Variants in SPATA6L observed in about 807,000 individuals in gnomAD.
SPATA6L encodes spermatogenesis associated 6-like protein.
In SPATA6L, 68 loss-of-function variants were observed where a neutral mutation model predicts 49.2. That is an observed-to-expected ratio of 1.38 (90% CI 1.14 to 1.69). SPATA6L has a LOEUF of 1.69. SPATA6L is among the 40% of genes most tolerant of loss of function. SPATA6L has a pLI of 0.00. For synonymous variants in SPATA6L, 198 were observed against 165.7 expected, an observed-to-expected ratio of 1.19 and a Z score of -1.50; for missense variants, 668 against 464.3, an observed-to-expected ratio of 1.44 and a Z score of -4.03.
At chr9:4,649,062 T>C (rs866959768) in intron 3 of SPATA6L, among the ~76,000 whole-genome samples, 4 of 150,048 alleles carry the variant, frequency 2.7e-5, no homozygotes, top group South Asian at 2.1e-4. Flanking sequence ...TATAGAAATA[T>C]ACACACACAC....
rs536528032 is a variant in SPATA6L at position 4,606,230 on chromosome 9, C to T, written c.996-790G>A. Among the ~76,000 whole-genome samples, 110 of 147,648 alleles carry T rather than the reference C, an allele frequency of 7.5e-4. 1 individual carries two copies. The highest frequency in any genetic ancestry group is 5.6e-3 in the South Asian group (26 of 4,642). ...GGCAGCGAGGCTGGGGGAGGGGCGC[C>T]CGCCATTGCCCAGGCTTGCTGAGGT... is the stretch of plus-strand genomic sequence containing the variant. On this transcript the variant is annotated intron_variant, in intron 9 of 11. Coordinates refer to ENST00000682582, the MANE Select transcript of SPATA6L (RefSeq NM_001353486.2).
chr9:4,637,518 C>T (rs1833046178), intron 3 of SPATA6L, among the ~76,000 whole-genome samples: 2 of 152,176 alleles, frequency 1.3e-5, no homozygotes, highest in African/African-American at 4.8e-5. Context: ...CTACTGCTGG[C>T]AGGGCTGTCC....
chr9:4,608,878 A>C (rs1462323502), intron 9 of SPATA6L, among the ~76,000 whole-genome samples: 1 of 152,198 alleles, frequency 6.6e-6, no homozygotes, highest in Non-Finnish European at 1.5e-5. Flanking sequence ...GAAAGGATCA[A>C]CAAAATAGAT....
chr9:4,653,245 C>G (rs954902278), intron 3 of SPATA6L, among the ~76,000 whole-genome samples: 2 of 152,284 alleles, frequency 1.3e-5, no homozygotes, highest in Admixed American at 1.3e-4. Flanking sequence ...GGTACCAAGA[C>G]AATTCAATGA....
intron 6 of SPATA6L, among the ~76,000 whole-genome samples, chr9:4,623,143 G>C (rs1224624981): frequency 1.3e-5 from 2 of 152,136 alleles, no homozygotes; most frequent in African/African-American, 4.8e-5. Flanking sequence ...AGCTGGGCTT[G>C]GTGGCGCATG....
At position 4,662,643 on chromosome 9, in the gene SPATA6L, G is replaced by A. The variant is rs1256592833; in HGVS notation, c.40-607C>T. On this transcript the variant is annotated intron_variant, in intron 1 of 11. Coordinates refer to ENST00000682582, the MANE Select transcript of SPATA6L (RefSeq NM_001353486.2). This position sits in a 1 kb window ranked among gnomAD's most constrained non-coding sequence, Gnocchi z 4.9. ...GCCCGCGCCTCCGCTGCCCGAGGAG[G>A]ACCGCATGGACTTGAACCCGTCCTT... 6.3e-7 allele frequency: 1 copy of A among 1,599,280 alleles called. No homozygotes were observed. The highest frequency in any genetic ancestry group is 2.2e-5 in the East Asian group (1 of 44,842).
chr9:4,625,195 A>C lies in SPATA6L; in HGVS notation c.669+132T>G, dbSNP rs1830105554. 1.1e-5 allele frequency: 16 copies of C among 1,414,682 alleles called. 1 individual carries two copies. Among genetic ancestry groups the C allele is most frequent in the Non-Finnish European group, 1.4e-5 (15 of 1,078,750 alleles). The allele number at this position is 1,414,682 out of a possible 1,614,324, so 87.6% of individuals were successfully genotyped here. A position where few individuals can be genotyped will look rare whatever the true frequency, so the allele number is the denominator to read the frequency against. ...AGGAAATGAACATAATTTAATCACAATTATTATTCAATTTGAAGTACCTTT... is the reference window on the plus strand; with the variant it reads ...AGGAAATGAACATAATTTAATCACACTTATTATTCAATTTGAAGTACCTTT... On this transcript the variant is annotated intron_variant, in intron 6 of 11. Transcript: ENST00000682582.
At chr9:4,654,872 G>A (rs1837756481) in intron 3 of SPATA6L, among the ~76,000 whole-genome samples, 1 of 152,148 alleles carries the variant, frequency 6.6e-6, no homozygotes, top group South Asian at 2.1e-4. Flanking sequence ...ATTTGGGCGG[G>A]AAAGCAGGAG....
intron 9 of SPATA6L, among the ~76,000 whole-genome samples, chr9:4,609,454 A>T (rs1826123778): frequency 6.6e-6 from 1 of 152,368 alleles, no homozygotes; most frequent in South Asian, 2.1e-4. Flanking sequence ...ACCATGATCA[A>T]GTGGGCTTCA....
intron 6 of SPATA6L, among the ~76,000 whole-genome samples, chr9:4,624,229 T>C (rs549314801): frequency 3.7e-4 from 56 of 152,344 alleles, no homozygotes; most frequent in African/African-American, 1.3e-3. Context: ...ATTTTTTTAA[T>C]GTAATGTTAA....
intron 4 of SPATA6L, 87 bp downstream of exon 4, chr9:4,635,188 T>C (rs1193579954): frequency 6.5e-6 from 9 of 1,390,810 alleles, no homozygotes; most frequent in Middle Eastern, 1.9e-4. Context: ...CTAACCAAGA[T>C]AAAGATCAAA....
chr9:4,615,396 C>G (rs998176734), intron 9 of SPATA6L, among the ~76,000 whole-genome samples: 1 of 152,324 alleles, frequency 6.6e-6, no homozygotes, highest in East Asian at 1.9e-4. Flanking sequence ...GTCTTAACCA[C>G]AGATTTAACG....
chr9:4,615,477 G>A (rs186233439), intron 9 of SPATA6L, among the ~76,000 whole-genome samples: 241 of 152,254 alleles, frequency 1.6e-3, no homozygotes, highest in African/African-American at 5.3e-3. Context: ...CAATTCTTCC[G>A]TTGGCCAGAG....
intron 4 of SPATA6L, among the ~76,000 whole-genome samples, chr9:4,630,444 C>A (rs1344549656): frequency 6.6e-6 from 1 of 152,184 alleles, no homozygotes. Context: ...CTGACCCCAT[C>A]GACTCACCAG....
intron 3 of SPATA6L, among the ~76,000 whole-genome samples, chr9:4,642,752 A>G (rs1373802402): frequency 2.0e-5 from 3 of 151,492 alleles, no homozygotes; most frequent in Non-Finnish European, 4.4e-5. Flanking sequence ...ACAACAAAAC[A>G]GGGAAAATAT....
chr9:4,613,654 G>A (rs912072558), intron 9 of SPATA6L, among the ~76,000 whole-genome samples: 4 of 151,736 alleles, frequency 2.6e-5, no homozygotes, highest in Non-Finnish European at 5.9e-5. Context: ...CGCTACCTCC[G>A]CTCACTGCAA....
rs557668202 is a variant in SPATA6L, at chr9:4,663,891, T to C, written c.40-1855A>G. 2.4e-5 allele frequency: 4 copies of C among 167,142 alleles called. No individual in the cohort carries two copies. The East Asian group carries it at 7.7e-4, about 32-fold the overall frequency. The allele number at this position is 167,142 out of a possible 1,614,324, so 10.4% of individuals were successfully genotyped here. A position where few individuals can be genotyped will look rare whatever the true frequency, so the allele number is the denominator to read the frequency against. On this transcript the variant is annotated intron_variant, in intron 1 of 11. Coordinates refer to ENST00000682582, the MANE Select transcript of SPATA6L (RefSeq NM_001353486.2). ...CTATCCATATTTGTGGATCGGGTAG[T>C]GGGAAAAGAGATTATAATACTTGTC...
Position 4,604,213 on chromosome 9 carries a change from C to G in SPATA6L, c.1146G>C (p.Lys382Asn), listed in dbSNP as rs1478268190. Residue 382 changes from lysine (K) to asparagine (N), a missense_variant, in exon 11 of 12, where the codon AAG (lysine) becomes AAC (asparagine). By Grantham distance (94) the Lys-to-Asn change is moderately conservative. Transcript: ENST00000682582. ...ATCTCTGTTCATGCAGTGAGTATTT[C>G]TTCAGAGGGTAGCTTGGTCTTTCAA... is the stretch of plus-strand genomic sequence containing the variant. ...YIIERPSYPL[K>N]KYSLHEQRYF 5 of 1,612,102 alleles carry G rather than the reference C, an allele frequency of 3.1e-6. No individual in the cohort carries two copies. In the Admixed American group the frequency reaches 6.7e-5, roughly 22 times the overall value.
intron 5 of SPATA6L, chr9:4,626,081 C>A: frequency 6.2e-6 from 1 of 162,168 alleles, no homozygotes. Flanking sequence ...GCTTTTCCAC[C>A]TGGTCTCTGT....
Sources: allele counts gnomAD v4.1 joint callset (sites outside exome capture counted in the v4.1 genomes callset), GRCh38; gene constraint gnomAD v4.1.1; non-coding constraint Gnocchi (gnomAD v3.1); transcripts MANE v1.5; gene names NCBI Gene and HGNC (gene_info 2026-07-23, HGNC 2026-07-21).